TAFA1: variants seen among roughly 807,000 people sequenced by gnomAD.
TAFA1 encodes the protein TAFA chemokine like family member 1.
In TAFA1, 4 loss-of-function variants were observed where a neutral mutation model predicts 18.5. That is an observed-to-expected ratio of 0.22 (90% CI 0.11 to 0.49). The LOEUF (loss-of-function observed/expected upper bound fraction) is 0.49. Among genes scored for constraint, TAFA1 ranks in the 20% least tolerant of loss-of-function variants. The pLI, the probability that TAFA1 is intolerant of heterozygous loss-of-function variation, is 0.98. For missense variants in TAFA1, 147 were observed against 169.0 expected (o/e 0.87, Z 0.72); for synonymous variants, 56 against 55.2 (o/e 1.01, Z -0.06).
intron 3 of TAFA1, among the ~76,000 whole-genome samples, chr3:68,431,739 G>A (rs1343191807): frequency 1.3e-5 from 2 of 151,994 alleles, no homozygotes; most frequent in African/African-American, 4.8e-5. Flanking sequence ...GATTAGTCAC[G>A]TTGTAGCAGG....
At chr3:68,503,554 G>A (rs781313320) in intron 3 of TAFA1, among the ~76,000 whole-genome samples, 38 of 152,116 alleles carry the variant, frequency 2.5e-4, no homozygotes, top group Non-Finnish European at 4.6e-4. Flanking sequence ...TGCTTAATTC[G>A]AAGAGGGTTT....
At chr3:68,431,978 A>G (rs1196821198) in intron 3 of TAFA1, among the ~76,000 whole-genome samples, 2 of 152,006 alleles carry the variant, frequency 1.3e-5, no homozygotes, top group Non-Finnish European at 2.9e-5. Context: ...TAACAAAACA[A>G]AAAGTTTTAC....
At chr3:68,180,012 T>TTTATTATTATTATTATTATTATTA (rs35696872) in intron 2 of TAFA1, among the ~76,000 whole-genome samples, 52 of 140,318 alleles carry the variant, frequency 3.7e-4, no homozygotes, top group East Asian at 1.4e-3. Context: ...AACACATAAT[T>TTTATTATTATTATTATTATTATTA]TTATTATTAT....
chr3:68,351,019 G>C (rs1022253176), intron 2 of TAFA1, among the ~76,000 whole-genome samples: 1 of 152,148 alleles, frequency 6.6e-6, no homozygotes, highest in African/African-American at 2.4e-5. Context: ...CTGTATTCCA[G>C]TAGAGTGGGG....
chr3:68,409,290 C>T (rs4855469), intron 2 of TAFA1, among the ~76,000 whole-genome samples: 82,585 of 151,956 alleles, frequency 0.54, 23,443 homozygotes, highest in African/African-American at 0.71. Context: ...TTCTTGGACA[C>T]GAAACCACTG....
chr3:68,462,406 A>C (rs957015458), intron 3 of TAFA1, among the ~76,000 whole-genome samples: 5 of 152,076 alleles, frequency 3.3e-5, no homozygotes, highest in Non-Finnish European at 5.9e-5. Flanking sequence ...GTTCCTCTGC[A>C]CATGCCCTCT....
At chr3:68,513,087 C>T (rs1002133319) in intron 3 of TAFA1, among the ~76,000 whole-genome samples, 2 of 152,084 alleles carry the variant, frequency 1.3e-5, no homozygotes, top group African/African-American at 2.4e-5. Context: ...TCACCAATAT[C>T]GATGGCAAAC....
intron 4 of TAFA1, 141 bp downstream of exon 4, chr3:68,539,021 CA>C: frequency 1.2e-6 from 1 of 812,212 alleles, no homozygotes; most frequent in Admixed American, 3.0e-5. Flanking sequence ...CTATGCAGAT[CA>C]GTGTCCATCC....
chr3:68,266,653 G>A (rs1404660384), intron 2 of TAFA1, among the ~76,000 whole-genome samples: 1 of 152,082 alleles, frequency 6.6e-6, no homozygotes, highest in Non-Finnish European at 1.5e-5. Flanking sequence ...GGAGCATGGG[G>A]CATTGCAGGA....
At chr3:68,013,657 C>G (rs1231176570) in intron 2 of TAFA1, among the ~76,000 whole-genome samples, 5 of 152,074 alleles carry the variant, frequency 3.3e-5, no homozygotes, top group African/African-American at 1.2e-4. Flanking sequence ...TAACACCAGA[C>G]AAGCACTTTT....
At chr3:68,055,132 A>T (rs531120696) in intron 2 of TAFA1, among the ~76,000 whole-genome samples, 2 of 152,234 alleles carry the variant, frequency 1.3e-5, no homozygotes, top group African/African-American at 4.8e-5. Context: ...AAAAGAGTTA[A>T]TTACCAAGCC....
chr3:68,538,952 G>A (rs2073320433), intron 4 of TAFA1, 72 bp downstream of exon 4: 4 of 1,510,738 alleles, frequency 2.6e-6, no homozygotes, highest in Non-Finnish European at 3.6e-6. Flanking sequence ...TGTGCAAACA[G>A]CATCCACAGA....
intron 2 of TAFA1, among the ~76,000 whole-genome samples, chr3:68,330,463 A>G (rs1034276230): frequency 2.0e-5 from 3 of 152,178 alleles, no homozygotes; most frequent in African/African-American, 7.2e-5. Context: ...GGTCCCCTTC[A>G]TATGTTTTTA....
At chr3:68,080,509 G>A (rs1398163654) in intron 2 of TAFA1, among the ~76,000 whole-genome samples, 1 of 151,846 alleles carries the variant, frequency 6.6e-6, no homozygotes, top group Non-Finnish European at 1.5e-5. Context: ...GGCAGGCCTG[G>A]TGGTGACAAA....
At chr3:68,445,859 C>T (rs934842484) in intron 3 of TAFA1, among the ~76,000 whole-genome samples, 1 of 152,078 alleles carries the variant, frequency 6.6e-6, no homozygotes, top group Non-Finnish European at 1.5e-5. Context: ...ATTTTGCATA[C>T]CCTATCTGGC....
intron 3 of TAFA1, among the ~76,000 whole-genome samples, chr3:68,467,081 T>G (rs2106937626): frequency 6.6e-6 from 1 of 152,314 alleles, no homozygotes. Flanking sequence ...AAGAGAAATA[T>G]GGCTCTGTCC....
At chr3:68,059,312 C>G (rs1575595605) in intron 2 of TAFA1, among the ~76,000 whole-genome samples, 1 of 151,984 alleles carries the variant, frequency 6.6e-6, no homozygotes, top group Admixed American at 6.6e-5. Context: ...ATATATGAAA[C>G]ATTTGTTCCT....
intron 2 of TAFA1, among the ~76,000 whole-genome samples, chr3:68,075,847 C>A (rs1199632999): frequency 6.6e-6 from 1 of 152,120 alleles, no homozygotes; most frequent in African/African-American, 2.4e-5. Flanking sequence ...CAGGCACATG[C>A]CACCATGCCT....
chr3:68,071,671 CA>C (rs2064756808), intron 2 of TAFA1, among the ~76,000 whole-genome samples: 1 of 152,110 alleles, frequency 6.6e-6, no homozygotes, highest in Non-Finnish European at 1.5e-5. Context: ...GCATGGCTAC[CA>C]AGAAACACCA....
Sources: gnomAD v4.1 joint callset for allele counts (sites outside exome capture counted in the v4.1 genomes callset) on GRCh38, gnomAD v4.1.1 for gene constraint, MANE v1.5 for transcripts, NCBI Gene and HGNC (gene_info 2026-07-23, HGNC 2026-07-21) for gene names.